SOX5: variants seen among roughly 807,000 people sequenced by gnomAD.
SOX5 encodes transcription factor SOX-5.
SOX5 carries 9 observed loss-of-function variants against 92.0 expected under a neutral mutation model. That is an observed-to-expected ratio of 0.10 (90% CI 0.06 to 0.17). The LOEUF is 0.17. Among genes scored for constraint, SOX5 ranks in the 10% least tolerant of loss-of-function variants. SOX5 has a pLI of 1.00. For synonymous variants in SOX5, 344 were observed against 336.3 expected, an observed-to-expected ratio of 1.02 and a Z score of -0.25; for missense variants, 642 against 944.5, an observed-to-expected ratio of 0.68 and a Z score of 4.20.
chr12:24,506,462 T>A (rs1167793469), intron 1 of SOX5, among the ~76,000 whole-genome samples: 7 of 151,710 alleles, frequency 4.6e-5, no homozygotes, highest in African/African-American at 1.7e-4. Context: ...AAGTCTTGTT[T>A]GGGGTAGTTT....
At chr12:23,652,453 T>C (rs931274248) in intron 7 of SOX5, among the ~76,000 whole-genome samples, 5 of 152,020 alleles carry the variant, frequency 3.3e-5, no homozygotes, top group African/African-American at 9.7e-5. Context: ...AATCTCATGG[T>C]TCAGCAACCA....
At chr12:24,113,204 C>T (rs924211981) in intron 4 of SOX5, among the ~76,000 whole-genome samples, 4 of 146,818 alleles carry the variant, frequency 2.7e-5, no homozygotes, top group African/African-American at 1.0e-4. Flanking sequence ...AGCATGTCTA[C>T]CCTGGAAGAG....
At chr12:23,628,592 C>T (rs149013782) in intron 8 of SOX5, among the ~76,000 whole-genome samples, 1 of 152,094 alleles carries the variant, frequency 6.6e-6, no homozygotes, top group African/African-American at 2.4e-5. Flanking sequence ...TCTGTTCCTC[C>T]GTTTCTCCTT....
chr12:24,013,404 GTTCA>G (rs1953192442), intron 4 of SOX5, among the ~76,000 whole-genome samples: 1 of 152,106 alleles, frequency 6.6e-6, no homozygotes. Context: ...AATGAAAAAT[GTTCA>G]TTCAGAGATA....
intron 10 of SOX5, among the ~76,000 whole-genome samples, chr12:23,574,548 C>A (rs1395273022): frequency 6.6e-6 from 1 of 152,128 alleles, no homozygotes; most frequent in Non-Finnish European, 1.5e-5. Context: ...CTTGATTAAT[C>A]TTTTTAATCC....
intron 1 of SOX5, among the ~76,000 whole-genome samples, chr12:24,431,353 A>G (rs1654370894): frequency 6.6e-6 from 1 of 152,200 alleles, no homozygotes; most frequent in South Asian, 2.1e-4. Flanking sequence ...CACTGATGCT[A>G]AAGTCCCCAT....
chr12:24,528,789 G>A (rs533181344), intron 1 of SOX5, among the ~76,000 whole-genome samples: 4 of 152,294 alleles, frequency 2.6e-5, no homozygotes, highest in South Asian at 2.1e-4. Flanking sequence ...TAGTGTCCCA[G>A]TTCTAAAATT....
chr12:24,461,463 T>C (rs916982581), intron 1 of SOX5, among the ~76,000 whole-genome samples: 2 of 152,236 alleles, frequency 1.3e-5, no homozygotes, highest in South Asian at 2.1e-4. Context: ...TCATTGTATA[T>C]TATATTCTAT....
intron 4 of SOX5, among the ~76,000 whole-genome samples, chr12:24,096,795 CTCA>C (rs1424907696): frequency 2.6e-5 from 4 of 151,944 alleles, no homozygotes; most frequent in African/African-American, 9.7e-5. Context: ...TGTGTGTGTT[CTCA>C]TAATAACTTT....
chr12:23,910,635 A>AGC (rs1258506147), intron 1 of SOX5, among the ~76,000 whole-genome samples: 1 of 152,044 alleles, frequency 6.6e-6, no homozygotes, highest in Non-Finnish European at 1.5e-5. Context: ...ATCATCTGTT[A>AGC]AGTTAGTTCT....
intron 3 of SOX5, among the ~76,000 whole-genome samples, chr12:23,759,042 C>CACACAG (rs1555323180): frequency 6.0e-5 from 9 of 149,340 alleles, no homozygotes; most frequent in African/African-American, 2.3e-4. Flanking sequence ...CACACACACA[C>CACACAG]ACACACACAC....
At chr12:24,178,436 G>A (rs1955083838) in intron 4 of SOX5, among the ~76,000 whole-genome samples, 3 of 152,118 alleles carry the variant, frequency 2.0e-5, no homozygotes, top group African/African-American at 7.2e-5. Context: ...CAAATGCTGT[G>A]TCCAAAGCAG....
chr12:23,756,517 C>A (rs2094385934), intron 3 of SOX5, among the ~76,000 whole-genome samples: 18 of 151,830 alleles, frequency 1.2e-4, no homozygotes, highest in Admixed American at 1.2e-3. Flanking sequence ...ATAAAAACTC[C>A]CAAACATTAA....
chr12:23,858,372 T>C (rs374041921), intron 2 of SOX5, among the ~76,000 whole-genome samples: 3 of 151,994 alleles, frequency 2.0e-5, no homozygotes, highest in East Asian at 3.9e-4. Context: ...CTATTTAAAA[T>C]TGGGCAAGGG....
At chr12:24,379,171 T>C (rs1157075527) in intron 1 of SOX5, among the ~76,000 whole-genome samples, 2 of 152,338 alleles carry the variant, frequency 1.3e-5, no homozygotes, top group African/African-American at 4.8e-5. Flanking sequence ...TTCAAAACAG[T>C]GCACTCTCTT....
chr12:23,992,371 A>C (rs996098773), intron 4 of SOX5, among the ~76,000 whole-genome samples: 24 of 152,188 alleles, frequency 1.6e-4, no homozygotes, highest in Non-Finnish European at 1.3e-4. Flanking sequence ...TATCAACTTG[A>C]TCATACTTAC....
intron 1 of SOX5, among the ~76,000 whole-genome samples, chr12:24,509,970 C>G (rs1454179491): frequency 6.6e-6 from 1 of 152,124 alleles, no homozygotes; most frequent in Non-Finnish European, 1.5e-5. Context: ...ATATCAACCA[C>G]AAAATTTAGT....
rs572512110 is a variant in SOX5 at position 24,207,855 on chromosome 12, C to T, written c.-2+5488G>A. On this transcript the variant is annotated intron_variant, in intron 4 of 4. Transcript: ENST00000446891. ...TTCATATAGCTGCATCGTCAACTCTCGTGCCATGTTCCAGAATCTCCAATG... is the reference window on the plus strand; with the variant it reads ...TTCATATAGCTGCATCGTCAACTCTTGTGCCATGTTCCAGAATCTCCAATG... Among the ~76,000 whole-genome samples the T allele has an allele frequency of 3.9e-5, 6 of 152,240 alleles. No homozygotes were observed. The South Asian group carries it at 8.3e-4, about 21-fold the overall frequency.
At chr12:24,212,644 C>A in intron 4 of SOX5, 1 of 355,940 alleles carries the variant, frequency 2.8e-6, no homozygotes, top group Non-Finnish European at 5.6e-6. Context: ...CAGCCATTAG[C>A]CACAATCATG....
Sources: allele counts gnomAD v4.1 joint callset (sites outside exome capture counted in the v4.1 genomes callset), GRCh38; gene constraint gnomAD v4.1.1; transcripts MANE v1.5; gene names NCBI Gene and HGNC (gene_info 2026-07-23, HGNC 2026-07-21).